Variants in ZNRF2 observed in about 807,000 individuals in gnomAD.
The protein encoded by ZNRF2 is zinc and ring finger 2, also known as E3 ubiquitin-protein ligase ZNRF2.
In ZNRF2, 16 loss-of-function variants were observed where a neutral mutation model predicts 20.4. That is an observed-to-expected ratio of 0.79 (90% CI 0.53 to 1.19). The LOEUF (loss-of-function observed/expected upper bound fraction) is 1.19, where lower values mean the gene tolerates loss of function less well. Ranked by LOEUF, ZNRF2 falls within the 50% of genes most tolerant of loss-of-function variation. The pLI is 0.00. For synonymous variants in ZNRF2, 178 were observed against 144.9 expected (o/e 1.23, Z -1.64); for missense variants, 363 against 332.4 (o/e 1.09, Z -0.72).
chr7:30,329,697 A>G (rs1222208555), intron 2 of ZNRF2, among the ~76,000 whole-genome samples: 1 of 152,194 alleles, frequency 6.6e-6, no homozygotes, highest in African/African-American at 2.4e-5. Flanking sequence ...TTCTGTATCC[A>G]TTCATCTGTT....
chr7:30,365,017 A>G (rs565975088), intron 4 of ZNRF2, among the ~76,000 whole-genome samples: 2 of 152,222 alleles, frequency 1.3e-5, no homozygotes, highest in South Asian at 2.1e-4. Flanking sequence ...AACTGCATTC[A>G]TGTGGTCAGA....
intron 1 of ZNRF2, among the ~76,000 whole-genome samples, chr7:30,314,812 T>C (rs1799343690): frequency 6.6e-6 from 1 of 151,342 alleles, no homozygotes; most frequent in Non-Finnish European, 1.5e-5. Flanking sequence ...TATGTATATA[T>C]GTATGTATGT....
intron 1 of ZNRF2, among the ~76,000 whole-genome samples, chr7:30,299,387 C>G (rs1349847951): frequency 6.6e-6 from 1 of 151,310 alleles, no homozygotes; most frequent in Non-Finnish European, 1.5e-5. Flanking sequence ...CCATGGCACT[C>G]CAGCCTGGGC....
intron 1 of ZNRF2, among the ~76,000 whole-genome samples, chr7:30,308,282 T>C (rs533524063): frequency 1.2e-4 from 18 of 152,344 alleles, no homozygotes; most frequent in African/African-American, 4.1e-4. Context: ...TTTCATTCTG[T>C]AAATACACCA....
intron 2 of ZNRF2, among the ~76,000 whole-genome samples, chr7:30,349,031 A>G (rs1468945198): frequency 6.6e-6 from 1 of 152,182 alleles, no homozygotes; most frequent in African/African-American, 2.4e-5. Flanking sequence ...GTAACATTTG[A>G]TATTTATTGT....
intron 2 of ZNRF2, among the ~76,000 whole-genome samples, chr7:30,338,218 T>C (rs187082965): frequency 2.0e-4 from 30 of 152,266 alleles, no homozygotes; most frequent in African/African-American, 5.3e-4. Context: ...TCAGGGATTA[T>C]GTACATTTCT....
chr7:30,285,344 G>T lies in ZNRF2; in HGVS notation c.-14G>T. Reference sequence around the variant, plus strand: ...GGGGCGCAGCGCGCGGGCCCGGCCCGGGGCAGGGCGGACATGGGCGCCAAA... The same window carrying T: ...GGGGCGCAGCGCGCGGGCCCGGCCCTGGGCAGGGCGGACATGGGCGCCAAA... On this transcript the variant is annotated 5_prime_UTR_variant, in exon 1 of 5. Transcript: ENST00000323037. The T allele has an allele frequency of 8.9e-7, 1 of 1,125,890 alleles. No individual in the cohort carries two copies. The highest frequency in any genetic ancestry group is 2.8e-5 in the South Asian group (1 of 35,908). 69.7% of individuals were successfully genotyped at this position (1,125,890 alleles called of 1,614,324 possible). A position where few individuals can be genotyped will look rare whatever the true frequency, so the allele number is the denominator to read the frequency against.
intron 1 of ZNRF2, among the ~76,000 whole-genome samples, chr7:30,314,826 T>A (rs1799344273): frequency 6.6e-6 from 1 of 151,192 alleles, no homozygotes; most frequent in African/African-American, 2.4e-5. Flanking sequence ...TGTATGTATT[T>A]TTTTTTTTTG....
chr7:30,312,619 A>G (rs946947165), intron 1 of ZNRF2, among the ~76,000 whole-genome samples: 1 of 152,216 alleles, frequency 6.6e-6, no homozygotes, highest in Non-Finnish European at 1.5e-5. Flanking sequence ...ACATAGTTCT[A>G]TGAAGTAAAC....
At chr7:30,352,491 A>G (rs551946029) in intron 2 of ZNRF2, among the ~76,000 whole-genome samples, 1 of 152,220 alleles carries the variant, frequency 6.6e-6, no homozygotes, top group Non-Finnish European at 1.5e-5. Flanking sequence ...GAATAAGACA[A>G]GGCATTAAAC....
chr7:30,317,105 C>G (rs1799387451), intron 1 of ZNRF2, among the ~76,000 whole-genome samples: 1 of 152,046 alleles, frequency 6.6e-6, no homozygotes, highest in Non-Finnish European at 1.5e-5. Flanking sequence ...TTATAATCAC[C>G]AGTAATTAGA....
rs1799301895 is a variant in ZNRF2, at chr7:30,312,213, T to A, written c.470-11429T>A. ...TCAGGGTGGTCTGGAATTCCTGTAC[T>A]CAAGCAGTCCTCCCTCCTTGGTCTC... is the stretch of plus-strand genomic sequence containing the variant. On this transcript the variant is annotated intron_variant, in intron 1 of 4. Transcript: ENST00000323037. Among the ~76,000 whole-genome samples, 4 of 152,140 alleles carry A rather than the reference T, an allele frequency of 2.6e-5. 1 individual carries two copies. The South Asian group carries it at 8.3e-4, about 31-fold the overall frequency.
At position 30,333,354 on chromosome 7, in the gene ZNRF2, A is replaced by G. The variant is rs1799667326; in HGVS notation, c.565+9617A>G. Among the ~76,000 whole-genome samples the G allele has an allele frequency of 7.1e-5, 10 of 140,550 alleles. No homozygotes were observed. The South Asian group carries it at 2.0e-3, about 28-fold the overall frequency. The allele number at this position is 140,550 out of a possible 152,430, so 92.2% of individuals were successfully genotyped here. The stretch of plus-strand genomic sequence containing the variant: ...CAGGCATGAGCCACTGCGCCTGGCC[A>G]TATTTTGACTTTTTTTTTTTTTTTT... On this transcript the variant is annotated intron_variant, in intron 2 of 4. Coordinates refer to ENST00000323037, the MANE Select transcript of ZNRF2 (RefSeq NM_147128.4).
intron 1 of ZNRF2, among the ~76,000 whole-genome samples, chr7:30,319,785 TC>T (rs1799438511): frequency 6.6e-6 from 1 of 152,158 alleles, no homozygotes. Flanking sequence ...CTATATGTTT[TC>T]TTCTCTGTTT....
At chr7:30,323,152 C>G (rs952436807) in intron 1 of ZNRF2, among the ~76,000 whole-genome samples, 2 of 152,086 alleles carry the variant, frequency 1.3e-5, no homozygotes, top group Non-Finnish European at 2.9e-5. Context: ...TTTTGCTGTT[C>G]TGAAAGGCTT....
chr7:30,311,223 A>G (rs1326860018), intron 1 of ZNRF2, among the ~76,000 whole-genome samples: 1 of 152,186 alleles, frequency 6.6e-6, no homozygotes, highest in Admixed American at 6.5e-5. Flanking sequence ...GGTCCGGCAC[A>G]AGAACCTGCA....
intron 1 of ZNRF2, among the ~76,000 whole-genome samples, chr7:30,296,712 G>T (rs13307963): frequency 1.3e-5 from 2 of 152,226 alleles, no homozygotes; most frequent in South Asian, 4.1e-4. Context: ...CTTACCGTAC[G>T]CAGAGTTCTT....
At chr7:30,344,567 TC>T (rs34761758) in intron 2 of ZNRF2, among the ~76,000 whole-genome samples, 1 of 152,104 alleles carries the variant, frequency 6.6e-6, no homozygotes, top group Non-Finnish European at 1.5e-5. Flanking sequence ...TATATCATCT[TC>T]CCCCCATCCA....
chr7:30,301,219 A>C (rs1480442291), intron 1 of ZNRF2, among the ~76,000 whole-genome samples: 1 of 152,216 alleles, frequency 6.6e-6, no homozygotes, highest in Non-Finnish European at 1.5e-5. Context: ...GCCGTGGCTC[A>C]AGCCTGTAAT....
Sources: allele counts gnomAD v4.1 joint callset (sites outside exome capture counted in the v4.1 genomes callset), GRCh38; gene constraint gnomAD v4.1.1; transcripts MANE v1.5; gene names NCBI Gene and HGNC (gene_info 2026-07-23, HGNC 2026-07-21).